The following ATP8A2 variants were observed in gnomAD, a reference collection of about 807,000 sequenced individuals.
ATP8A2 encodes phospholipid-transporting ATPase IB.
Under a neutral mutation model 165.6 loss-of-function variants are expected in ATP8A2, and 100 were observed. The observed-to-expected ratio is 0.60, with a 90% CI of 0.51 to 0.71. The LOEUF (loss-of-function observed/expected upper bound fraction) is 0.71, where lower values mean the gene tolerates loss of function less well. Ranked by LOEUF, ATP8A2 falls within the 30% of genes least tolerant of loss-of-function variation. The pLI, the probability that ATP8A2 is intolerant of heterozygous loss-of-function variation, is 0.00. For synonymous variants in ATP8A2, 543 were observed against 548.8 expected (o/e 0.99, Z 0.15); for missense variants, 1,227 against 1,479.5 (o/e 0.83, Z 2.80).
chr13:25,970,117 T>C (rs1177350831), intron 35 of ATP8A2, among the ~76,000 whole-genome samples: 2 of 152,204 alleles, frequency 1.3e-5, no homozygotes, highest in Non-Finnish European at 2.9e-5. Context: ...GTAAGGACAA[T>C]AAGTTTATTA....
intron 27 of ATP8A2, among the ~76,000 whole-genome samples, chr13:25,818,988 T>G (rs537344418): frequency 6.6e-6 from 1 of 152,338 alleles, no homozygotes; most frequent in East Asian, 1.9e-4. Context: ...GAAGTGATGC[T>G]TATTTGTTAC....
chr13:25,579,836 T>C lies in ATP8A2; in HGVS notation c.1896T>C (p.Ala632=). The C allele has an allele frequency of 1.2e-6, 2 of 1,614,040 alleles. No individual in the cohort carries two copies. The highest frequency in any genetic ancestry group is 1.1e-5 in the South Asian group (1 of 91,084). Residue 632 remains alanine, a synonymous_variant, in exon 22 of 37, where the codon GCT becomes GCC. Transcript: ENST00000381655. ...EGLRTLCVAY[A]DLSENEYEEW... ...TGCGGACTCTCTGTGTGGCTTATGC[T>C]GATCTCTCTGAGAATGAGTATGAGG...
intron 2 of ATP8A2, among the ~76,000 whole-genome samples, chr13:25,516,461 T>C (rs2037472640): frequency 6.6e-6 from 1 of 152,206 alleles, no homozygotes; most frequent in South Asian, 2.1e-4. Flanking sequence ...GGAAAGAATA[T>C]ACTGAATTCT....
chr13:25,765,637 A>G (rs1345960923), intron 25 of ATP8A2, among the ~76,000 whole-genome samples: 1 of 152,264 alleles, frequency 6.6e-6, no homozygotes, highest in Non-Finnish European at 1.5e-5. Context: ...GACTTGCTTT[A>G]TATACCCTGG....
At chr13:25,946,988 T>C (rs1325886098) in intron 33 of ATP8A2, among the ~76,000 whole-genome samples, 1 of 152,164 alleles carries the variant, frequency 6.6e-6, no homozygotes, top group African/African-American at 2.4e-5. Flanking sequence ...CCTCAGGTGA[T>C]CCACCCACCT....
intron 2 of ATP8A2, among the ~76,000 whole-genome samples, chr13:25,521,146 TTGTA>T (rs1307060863): frequency 2.0e-5 from 3 of 152,222 alleles, no homozygotes; most frequent in Admixed American, 2.0e-4. Flanking sequence ...TGTTGGCCAT[TTGTA>T]TGTCTCTTCT....
chr13:25,389,702 G>A (rs2033176406), intron 1 of ATP8A2, among the ~76,000 whole-genome samples: 1 of 152,196 alleles, frequency 6.6e-6, no homozygotes, highest in Non-Finnish European at 1.5e-5. Flanking sequence ...TGTGTCTAAT[G>A]TGTCAGTCAG....
At chr13:25,813,670 C>A (rs368890467) in intron 27 of ATP8A2, among the ~76,000 whole-genome samples, 2 of 151,590 alleles carry the variant, frequency 1.3e-5, no homozygotes, top group South Asian at 4.2e-4. Flanking sequence ...GAGGTTCTAG[C>A]CATGTGTCCC....
At chr13:25,437,204 A>G (rs903637349) in intron 1 of ATP8A2, among the ~76,000 whole-genome samples, 2 of 152,136 alleles carry the variant, frequency 1.3e-5, no homozygotes, top group East Asian at 3.8e-4. Context: ...GGCTGCTTAT[A>G]TGTCTTCTTT....
chr13:25,809,185 T>C (rs1950807788), intron 27 of ATP8A2, among the ~76,000 whole-genome samples: 1 of 152,098 alleles, frequency 6.6e-6, no homozygotes, highest in Non-Finnish European at 1.5e-5. Flanking sequence ...GCCTCTGAAA[T>C]GGGAGAGGGA....
At chr13:25,827,364 G>A (rs139324932) in intron 27 of ATP8A2, among the ~76,000 whole-genome samples, 3 of 152,224 alleles carry the variant, frequency 2.0e-5, no homozygotes, top group African/African-American at 7.2e-5. Context: ...CGCCAACCTC[G>A]GCTTCCCAGA....
chr13:25,883,086 G>T lies in ATP8A2; in HGVS notation c.3183+20678G>T, dbSNP rs186239766. The stretch of plus-strand genomic sequence containing the variant: ...AAGTCCTAGTGAAGTTAACAGCCCT[G>T]CTCAAGATCACACAGCCAGGAGTGG... On this transcript the variant is annotated intron_variant, in intron 33 of 36. Transcript: ENST00000381655. 1.3e-4 allele frequency among the ~76,000 whole-genome samples: 20 copies of T among 152,220 alleles called. No individual in the cohort carries two copies. In the East Asian group the frequency reaches 3.5e-3, roughly 26 times the overall value.
At chr13:25,712,794 C>T (rs1264111621) in intron 25 of ATP8A2, among the ~76,000 whole-genome samples, 2 of 152,032 alleles carry the variant, frequency 1.3e-5, no homozygotes, top group Non-Finnish European at 2.9e-5. Context: ...TTAAAAGGGT[C>T]GGAAAGTCGG....
chr13:25,477,364 G>A (rs1566165373), intron 2 of ATP8A2, among the ~76,000 whole-genome samples: 2 of 152,208 alleles, frequency 1.3e-5, no homozygotes, highest in African/African-American at 4.8e-5. Flanking sequence ...TTAAGCATCA[G>A]GATTTGTGAG....
rs142726155 is a variant in ATP8A2, at chr13:25,503,014, C to T, written c.222-26985C>T. 2.3e-4 allele frequency among the ~76,000 whole-genome samples: 35 copies of T among 152,228 alleles called. No individual in the cohort carries two copies. In the East Asian group the frequency reaches 6.4e-3, roughly 28 times the overall value. ...TTTTGGGCATTGAGAGCTGTCCAGC[C>T]GAGAGTGCTGTCATGGAGGTGTCCA... On this transcript the variant is annotated intron_variant, in intron 2 of 36. Coordinates refer to ENST00000381655, the MANE Select transcript of ATP8A2 (RefSeq NM_016529.6).
chr13:25,813,223 A>T (rs1014655594), intron 27 of ATP8A2, among the ~76,000 whole-genome samples: 14 of 149,370 alleles, frequency 9.4e-5, no homozygotes, highest in South Asian at 2.1e-4. Context: ...AAATAAAATT[A>T]AAAAAAAAAG....
At chr13:25,898,979 G>A (rs1373011177) in intron 33 of ATP8A2, among the ~76,000 whole-genome samples, 4 of 152,292 alleles carry the variant, frequency 2.6e-5, no homozygotes, top group East Asian at 1.9e-4. Context: ...TGCGCTTCCC[G>A]GGTGAGGTTA....
intron 1 of ATP8A2, among the ~76,000 whole-genome samples, chr13:25,459,620 G>A (rs948974034): frequency 2.0e-5 from 3 of 152,226 alleles, no homozygotes; most frequent in East Asian, 3.8e-4. Context: ...TAGCTAGGGC[G>A]TGGTCACAAA....
intron 33 of ATP8A2, among the ~76,000 whole-genome samples, chr13:25,879,483 G>A (rs1046240476): frequency 6.6e-6 from 1 of 152,218 alleles, no homozygotes; most frequent in Non-Finnish European, 1.5e-5. Context: ...AAAAGCCGAA[G>A]AACCAGGCTG....
Sources: gnomAD v4.1 joint callset for allele counts (sites outside exome capture counted in the v4.1 genomes callset) on GRCh38, gnomAD v4.1.1 for gene constraint, MANE v1.5 for transcripts, NCBI Gene and HGNC (gene_info 2026-07-23, HGNC 2026-07-21) for gene names.